HORMAD2: variants seen among roughly 807,000 people sequenced by gnomAD.
HORMAD2 encodes HORMA domain-containing protein 2.
Under a neutral mutation model 38.8 loss-of-function variants are expected in HORMAD2, and 45 were observed. The ratio of observed to expected loss-of-function variants is 1.16; its 90% confidence interval spans 0.91 to 1.49. The LOEUF is 1.49. Among genes scored for constraint, HORMAD2 ranks in the 40% most tolerant of loss-of-function variants. The pLI, the probability that HORMAD2 is intolerant of heterozygous loss-of-function variation, is 0.00. For missense variants in HORMAD2, 338 were observed against 367.0 expected (o/e 0.92, Z 0.65); for synonymous variants, 126 against 122.8 (o/e 1.03, Z -0.17).
intron 1 of HORMAD2, 26 bp downstream of exon 1, chr22:30,080,517 T>C (rs1489965293): frequency 6.6e-6 from 1 of 152,342 alleles, no homozygotes; most frequent in Non-Finnish European, 1.5e-5. Context: ...ACGCGAGGTC[T>C]CGGCCCAGAG....
chr22:30,163,388 G>GT (rs1258801961), intron 10 of HORMAD2, among the ~76,000 whole-genome samples: 1 of 152,026 alleles, frequency 6.6e-6, no homozygotes, highest in Non-Finnish European at 1.5e-5. Context: ...ATTTTTTATG[G>GT]TTTTGTCATT....
chr22:30,089,916 C>T (rs556586868), intron 1 of HORMAD2, among the ~76,000 whole-genome samples: 2 of 152,320 alleles, frequency 1.3e-5, no homozygotes, highest in East Asian at 3.9e-4. Context: ...AACCTCTATT[C>T]TACTTTCTGT....
At chr22:30,124,073 C>G (rs1569099019) in intron 10 of HORMAD2, among the ~76,000 whole-genome samples, 1 of 151,726 alleles carries the variant, frequency 6.6e-6, no homozygotes, top group Non-Finnish European at 1.5e-5. Context: ...ATGTGATAAT[C>G]CTTCTCAAGC....
At chr22:30,138,365 G>A (rs773747319) in intron 10 of HORMAD2, among the ~76,000 whole-genome samples, 15 of 151,562 alleles carry the variant, frequency 9.9e-5, no homozygotes, top group Non-Finnish European at 2.1e-4. Flanking sequence ...ATGGGGTCTC[G>A]CCATGTTTCC....
intron 2 of HORMAD2, among the ~76,000 whole-genome samples, chr22:30,097,019 T>C (rs2068794448): frequency 6.6e-6 from 1 of 152,182 alleles, no homozygotes; most frequent in South Asian, 2.1e-4. Flanking sequence ...TTTGTTAATA[T>C]TTAGAAAATG....
intron 3 of HORMAD2, among the ~76,000 whole-genome samples, chr22:30,101,662 CAT>C (rs1211964498): frequency 6.6e-6 from 1 of 151,122 alleles, no homozygotes; most frequent in Non-Finnish European, 1.5e-5. Context: ...GGAAAATAAA[CAT>C]AGAGAGCTAC....
the HORMAD2 span, among the ~76,000 whole-genome samples, chr22:30,200,132 G>A: frequency 6.6e-6 from 1 of 151,334 alleles, no homozygotes; most frequent in Non-Finnish European, 1.5e-5. Flanking sequence ...AGCCAGGCTG[G>A]TCTCAAACTC....
At chr22:30,096,563 G>T (rs897267206) in intron 2 of HORMAD2, among the ~76,000 whole-genome samples, 5 of 151,884 alleles carry the variant, frequency 3.3e-5, no homozygotes, top group African/African-American at 4.8e-5. Flanking sequence ...TGCCTCCAGG[G>T]TTCAAGTGTT....
intron 3 of HORMAD2, among the ~76,000 whole-genome samples, chr22:30,100,797 G>C (rs944780459): frequency 2.0e-5 from 3 of 152,168 alleles, no homozygotes; most frequent in Non-Finnish European, 4.4e-5. Flanking sequence ...CTTCTCAAAA[G>C]AAGACATTTA....
chr22:30,127,578 AGCCATCTGCTG>A (rs1320554615), intron 10 of HORMAD2, among the ~76,000 whole-genome samples: 4 of 152,172 alleles, frequency 2.6e-5, no homozygotes, highest in Non-Finnish European at 5.9e-5. Context: ...CCTGAGTTCA[AGCCATCTGCTG>A]GCCTTGGCCT....
chr22:30,201,715 A>C, the HORMAD2 span, among the ~76,000 whole-genome samples: 17 of 152,004 alleles, frequency 1.1e-4, no homozygotes, highest in Non-Finnish European at 2.4e-4. Context: ...CGTGCCCGGC[A>C]AGTTAAGACT....
chr22:30,198,916 C>T, the HORMAD2 span, among the ~76,000 whole-genome samples: 3 of 152,212 alleles, frequency 2.0e-5, no homozygotes, highest in African/African-American at 7.2e-5. Context: ...TTGGCTGGCC[C>T]CTTCCTCAGC....
intron 10 of HORMAD2, among the ~76,000 whole-genome samples, chr22:30,139,291 C>T (rs1415644559): frequency 9.7e-6 from 1 of 102,832 alleles, no homozygotes; most frequent in Non-Finnish European, 1.9e-5. Context: ...TATATATCCT[C>T]TGTCTCTCTC....
upstream of HORMAD2, among the ~76,000 whole-genome samples, chr22:30,078,729 G>GGTA (rs2068420172): frequency 6.6e-6 from 1 of 151,834 alleles, no homozygotes; most frequent in Non-Finnish European, 1.5e-5. Context: ...GGCAGAGAGG[G>GGTA]GTAAGTCTTT....
intron 6 of HORMAD2, 97 bp downstream of exon 6, chr22:30,111,913 G>T: frequency 5.7e-6 from 5 of 882,798 alleles, no homozygotes; most frequent in East Asian, 2.9e-5. Context: ...CTTCCTCCCT[G>T]ACTTTTTTTT....
At chr22:30,090,359 T>C (rs1346560633) in intron 1 of HORMAD2, among the ~76,000 whole-genome samples, 1 of 152,204 alleles carries the variant, frequency 6.6e-6, no homozygotes, top group African/African-American at 2.4e-5. Context: ...GGAGACCCCG[T>C]CTCAAAAACA....
chr22:30,192,876 C>T, the HORMAD2 span, among the ~76,000 whole-genome samples: 7 of 152,084 alleles, frequency 4.6e-5, no homozygotes, highest in Non-Finnish European at 1.0e-4. Context: ...GGATGGTTTC[C>T]GTACTATAAC....
the HORMAD2 span, among the ~76,000 whole-genome samples, chr22:30,188,858 G>A: frequency 3.9e-5 from 6 of 152,122 alleles, no homozygotes; most frequent in Non-Finnish European, 8.8e-5. Flanking sequence ...AATTTGGGCC[G>A]GGTGCGGTGG....
chr22:30,171,674 G>A (rs1926116621), intron 10 of HORMAD2, among the ~76,000 whole-genome samples: 1 of 152,016 alleles, frequency 6.6e-6, no homozygotes, highest in Non-Finnish European at 1.5e-5. Flanking sequence ...ACTATGTCAA[G>A]GCACTTGCTA....
Sources: gnomAD v4.1 joint callset for allele counts (sites outside exome capture counted in the v4.1 genomes callset) on GRCh38, gnomAD v4.1.1 for gene constraint, MANE v1.5 for transcripts, NCBI Gene and HGNC (gene_info 2026-07-23, HGNC 2026-07-21) for gene names.